Variants in AAK1 observed in about 807,000 individuals in gnomAD.
AAK1 encodes the protein AP2 associated kinase 1.
A neutral mutation model predicts 116.0 loss-of-function variants in AAK1; 37 were observed. The ratio of observed to expected loss-of-function variants is 0.32; its 90% CI spans 0.25 to 0.42. AAK1 has a LOEUF of 0.42. Ranked by LOEUF, AAK1 falls within the 10% of genes least tolerant of loss-of-function variation. The pLI is 1.00. For synonymous variants in AAK1, 458 were observed against 439.9 expected, an observed-to-expected ratio of 1.04 and a Z score of -0.51; for missense variants, 919 against 1,170.6, an observed-to-expected ratio of 0.79 and a Z score of 3.14.
chr2:69,501,796 C>T (rs1675988911), intron 16 of AAK1, among the ~76,000 whole-genome samples: 1 of 151,990 alleles, frequency 6.6e-6, no homozygotes, highest in South Asian at 2.1e-4. Flanking sequence ...ATGGTGAAAC[C>T]CCATCTCTAC....
chr2:69,594,046 A>C (rs934692812), intron 2 of AAK1, among the ~76,000 whole-genome samples: 1 of 152,268 alleles, frequency 6.6e-6, no homozygotes, highest in Non-Finnish European at 1.5e-5. Context: ...AAAACAAGAA[A>C]GAATAAAAAG....
intron 9 of AAK1, 124 bp from the exon 10 acceptor site, chr2:69,525,236 C>T: frequency 1.1e-6 from 1 of 874,022 alleles, no homozygotes; most frequent in East Asian, 2.7e-5. Context: ...TCTGGAGCAG[C>T]TTCCAGGCCC....
At chr2:69,594,713 G>A in intron 2 of AAK1, 4 of 682,904 alleles carry the variant, frequency 5.9e-6, no homozygotes, top group South Asian at 5.1e-5. Context: ...AGGTTTTATT[G>A]TCTTCATAAT....
At chr2:69,476,823 A>T in intron 21 of AAK1, 57 bp downstream of exon 21, 1 of 1,239,048 alleles carries the variant, frequency 8.1e-7, no homozygotes, top group South Asian at 1.3e-5. Flanking sequence ...TAGGTGCATG[A>T]CTATTTTGAA....
intron 2 of AAK1, among the ~76,000 whole-genome samples, chr2:69,607,129 G>C (rs1310168654): frequency 6.6e-6 from 1 of 151,778 alleles, no homozygotes; most frequent in Non-Finnish European, 1.5e-5. Context: ...TTGACAGAGA[G>C]TGTTATGTGG....
chr2:69,505,788 G>T, intron 15 of AAK1, 115 bp from the exon 16 acceptor site: 1 of 630,302 alleles, frequency 1.6e-6, no homozygotes, highest in Admixed American at 2.9e-5. Flanking sequence ...TACTTTTACT[G>T]CATTATGGCG....
intron 2 of AAK1, among the ~76,000 whole-genome samples, chr2:69,583,861 T>C (rs1672648057): frequency 1.3e-5 from 2 of 152,170 alleles, no homozygotes; most frequent in Admixed American, 1.3e-4. Flanking sequence ...CGGATCTTCA[T>C]CCACAGCACA....
At chr2:69,519,980 C>G in intron 11 of AAK1, 1 of 215,768 alleles carries the variant, frequency 4.6e-6, no homozygotes, top group Non-Finnish European at 1.0e-5. Flanking sequence ...AGCTCTTCAG[C>G]CTCTTTAGTC....
In AAK1 at chr2:69,464,230, C is replaced by CACA. The variant is rs1558879934; in HGVS notation, c.*11638_*11639insTGT. On this transcript the variant is annotated 3_prime_UTR_variant, in exon 22 of 22. Transcript: ENST00000409085. ...ACAACAACAACAACAACAACAAAAC[C>CACA]ACCCCAAAACAAGCAAGCCTAGTTT... 1.1e-4 allele frequency: 17 copies of CACA among 151,886 alleles called. No individual in the cohort carries two copies. The highest frequency in any genetic ancestry group is 3.4e-4 in the African/African-American group (14 of 41,364). The allele number at this position is 151,886 out of a possible 1,614,324, so 9.4% of individuals were successfully genotyped here. A position where few individuals can be genotyped will look rare whatever the true frequency, so the allele number is the denominator to read the frequency against.
chr2:69,509,799 A>C (rs566410358), intron 13 of AAK1, among the ~76,000 whole-genome samples: 1 of 152,356 alleles, frequency 6.6e-6, no homozygotes, highest in South Asian at 2.1e-4. Flanking sequence ...AGAATTTATC[A>C]TAAAGGACCA....
intron 17 of AAK1, among the ~76,000 whole-genome samples, chr2:69,490,430 A>G (rs1223838110): frequency 6.6e-6 from 1 of 152,182 alleles, no homozygotes; most frequent in African/African-American, 2.4e-5. Flanking sequence ...AACAGATGAA[A>G]GGAGAAAGAA....
rs1674776620 is a variant in AAK1 at position 69,474,349 on chromosome 2, C to T, written c.*1520G>A. The T allele has an allele frequency of 2.0e-6, 2 of 985,698 alleles. No homozygotes were observed. The highest frequency in any genetic ancestry group is 2.4e-6 in the Non-Finnish European group (2 of 829,924). The allele number at this position is 985,698 out of a possible 1,614,324, so 61.1% of individuals were successfully genotyped here. A position where few individuals can be genotyped will look rare whatever the true frequency, so the allele number is the denominator to read the frequency against. ...AGAGGAAAAGAACAGGAGTGGGGTTCTCTGTGCCCACTTCTTTTCAAAAGG... is the reference window on the plus strand; with the variant it reads ...AGAGGAAAAGAACAGGAGTGGGGTTTTCTGTGCCCACTTCTTTTCAAAAGG... On this transcript the variant is annotated 3_prime_UTR_variant, in exon 22 of 22. Transcript: ENST00000409085.
chr2:69,607,016 A>C (rs1673829682), intron 2 of AAK1, among the ~76,000 whole-genome samples: 1 of 145,722 alleles, frequency 6.9e-6, no homozygotes, highest in Non-Finnish European at 1.5e-5. Context: ...CAGTGAGCCG[A>C]GATCACACAA....
chr2:69,640,651 T>A (rs1206599921), intron 2 of AAK1, among the ~76,000 whole-genome samples: 2 of 152,100 alleles, frequency 1.3e-5, no homozygotes, highest in Admixed American at 1.3e-4. Flanking sequence ...TCTACATACT[T>A]CTAAGAGCCA....
intron 4 of AAK1, 66 bp downstream of exon 4, chr2:69,544,370 C>T (rs1188431435): frequency 7.7e-7 from 1 of 1,306,970 alleles, no homozygotes; most frequent in Non-Finnish European, 1.1e-6. Context: ...GTGAAATGAC[C>T]ACCCTAACCA....
chr2:69,496,035 A>G lies in AAK1; in HGVS notation c.2315T>C (p.Leu772Pro). 1 of 1,555,326 alleles carries G rather than the reference A, an allele frequency of 6.4e-7. No individual in the cohort carries two copies. The highest frequency in any genetic ancestry group is 8.7e-7 in the Non-Finnish European group (1 of 1,149,070). Residue 772 changes from leucine to proline, a missense_variant, in exon 17 of 22, where the codon CTT becomes CCT. Coordinates refer to ENST00000409085, the MANE Select transcript of AAK1 (RefSeq NM_014911.5). Reference sequence around the variant, plus strand: ...AATGAAAGGATCAGACACGCTTAGAAGCGGGAGGCCAGAGTCCACAGTCTG... The same window carrying G: ...AATGAAAGGATCAGACACGCTTAGAGGCGGGAGGCCAGAGTCCACAGTCTG... ...GGQTVDSGLP[L>P]LSVSDPFIPL...
At chr2:69,508,949 A>C (rs1676289520) in intron 14 of AAK1, among the ~76,000 whole-genome samples, 1 of 152,246 alleles carries the variant, frequency 6.6e-6, no homozygotes, top group Non-Finnish European at 1.5e-5. Context: ...AGCATGGAAC[A>C]GGTGAGAGAA....
chr2:69,505,144 C>T (rs1676135546), intron 16 of AAK1, among the ~76,000 whole-genome samples: 2 of 152,156 alleles, frequency 1.3e-5, no homozygotes, highest in Non-Finnish European at 2.9e-5. Flanking sequence ...CCCACACACA[C>T]ACACACACAC....
chr2:69,541,072 T>C (rs1234122219), intron 5 of AAK1, among the ~76,000 whole-genome samples: 1 of 152,040 alleles, frequency 6.6e-6, no homozygotes, highest in East Asian at 1.9e-4. Flanking sequence ...GAAAGTAGAT[T>C]AGGGGTTGCC....
Sources: gnomAD v4.1 joint callset for allele counts (sites outside exome capture counted in the v4.1 genomes callset) on GRCh38, gnomAD v4.1.1 for gene constraint, MANE v1.5 for transcripts, NCBI Gene and HGNC (gene_info 2026-07-23, HGNC 2026-07-21) for gene names.